The following MAOB variants were observed in gnomAD, a reference collection of about 807,000 sequenced individuals.
The protein encoded by MAOB is monoamine oxidase B.
MAOB carries 15 observed loss-of-function variants against 41.9 expected under a neutral mutation model. The observed-to-expected ratio is 0.36, with a 90% CI of 0.24 to 0.55. The LOEUF is 0.55. Among genes scored for constraint, MAOB ranks in the 20% least tolerant of loss-of-function variants. The probability of loss-of-function intolerance (pLI) is 0.86; values close to 1 mark genes in which losing one functional copy is unlikely to be tolerated. For missense variants in MAOB, 345 were observed against 398.7 expected, an observed-to-expected ratio of 0.87 and a Z score of 1.15; for synonymous variants, 167 against 144.2, an observed-to-expected ratio of 1.16 and a Z score of -1.13.
chrX:43,877,830 C>T (rs2035449742), intron 1 of MAOB, among the ~76,000 whole-genome samples: 1 of 112,326 alleles, frequency 8.9e-6, no homozygotes, highest in African/African-American at 3.2e-5. Flanking sequence ...CAGGATGAGG[C>T]TGAAGTCAGG....
intron 3 of MAOB, among the ~76,000 whole-genome samples, chrX:43,831,778 CT>C (rs1384021421): frequency 9.0e-6 from 1 of 111,060 alleles, no homozygotes; most frequent in African/African-American, 3.3e-5. Flanking sequence ...ATATTAGTTC[CT>C]GAGGGAACTA....
chrX:43,844,862 A>T (rs1446227563), intron 1 of MAOB, among the ~76,000 whole-genome samples: 1 of 111,333 alleles, frequency 9.0e-6, no homozygotes, highest in African/African-American at 3.3e-5. Flanking sequence ...AGGCTTCCAG[A>T]CTAAGCCAGC....
At chrX:43,864,537 C>T (rs2035353416) in intron 1 of MAOB, among the ~76,000 whole-genome samples, 1 of 111,668 alleles carries the variant, frequency 9.0e-6, no homozygotes, top group African/African-American at 3.3e-5. Context: ...TCACCTCAAA[C>T]AATGGATGGA....
intron 7 of MAOB, 47 bp from the exon 8 acceptor site, chrX:43,793,625 G>C: frequency 2.0e-6 from 2 of 1,024,662 alleles, no homozygotes; most frequent in Non-Finnish European, 2.7e-6. Context: ...TGTTGCTTTT[G>C]TTTTTTTCCC....
At chrX:43,876,293 C>T (rs898121473) in intron 1 of MAOB, among the ~76,000 whole-genome samples, 3 of 111,853 alleles carry the variant, frequency 2.7e-5, no homozygotes, top group African/African-American at 9.8e-5. Flanking sequence ...AAAATTCCCT[C>T]AAATATTTTT....
chrX:43,795,663 T>G, intron 7 of MAOB, 76 bp downstream of exon 7: 1 of 900,337 alleles, frequency 1.1e-6, no homozygotes, highest in Non-Finnish European at 1.6e-6. Flanking sequence ...ACTCTGGAGA[T>G]TCTAAGAATT....
rs2034242631 is a variant in MAOB at position 43,775,398 on chromosome X, T to C, written c.1138-126A>G. The C allele has an allele frequency of 6.8e-6, 7 of 1,033,394 alleles. No homozygotes were observed. The South Asian group carries it at 1.9e-4, about 28-fold the overall frequency. 85.2% of individuals were successfully genotyped at this position (1,033,394 alleles called of 1,213,427 possible). On this transcript the variant is annotated intron_variant, in intron 11 of 14. Coordinates refer to ENST00000378069, the MANE Select transcript of MAOB (RefSeq NM_000898.5). ...GTATTTCGGAAATAGAGTTGCATTA[T>C]CCTGATGTTTTTAAAGATATGTCTT...
intron 13 of MAOB, 62 bp downstream of exon 13, chrX:43,769,245 T>G: frequency 9.1e-7 from 1 of 1,099,689 alleles, no homozygotes; most frequent in Non-Finnish European, 1.2e-6. Flanking sequence ...CAGATATCTT[T>G]GACCTACATG....
intron 1 of MAOB, chrX:43,844,059 C>G: frequency 2.6e-6 from 1 of 385,801 alleles, no homozygotes; most frequent in African/African-American, 2.6e-5. Flanking sequence ...TAAATGAGAA[C>G]ACAAGGCCAT....
At chrX:43,778,202 A>AT (rs1249529396) in intron 11 of MAOB, among the ~76,000 whole-genome samples, 3 of 110,860 alleles carry the variant, frequency 2.7e-5, no homozygotes, top group African/African-American at 9.9e-5. Flanking sequence ...AGGTAATCTT[A>AT]TTTTTTTACT....
chrX:43,767,501 G>A lies in MAOB; in HGVS notation c.1528C>T (p.Leu510=), dbSNP rs2034125831. 1 of 1,208,701 alleles carries A rather than the reference G, an allele frequency of 8.3e-7. No homozygotes were observed. Among genetic ancestry groups the A allele is most frequent in the Non-Finnish European group, 1.1e-6 (1 of 894,810 alleles). Residue 510 remains leucine, a synonymous_variant, in exon 15 of 15, where the codon CTG becomes TTG. Transcript: ENST00000378069. ...TIFSATALGF[L]AHKRGLLVRV ...ACAAGTAGCCCCCTTTTGTGGGCCAGGAAGCCAAGAGCCGTTGCTGAAAAG... is the reference window on the plus strand; with the variant it reads ...ACAAGTAGCCCCCTTTTGTGGGCCAAGAAGCCAAGAGCCGTTGCTGAAAAG...
intron 1 of MAOB, chrX:43,844,003 A>G: frequency 2.5e-6 from 2 of 792,371 alleles, no homozygotes; most frequent in Non-Finnish European, 1.6e-6. Context: ...CTCTGCCACT[A>G]TATCAAAATG....
chrX:43,782,204 G>C (rs753319072), intron 8 of MAOB, among the ~76,000 whole-genome samples: 8 of 110,590 alleles, frequency 7.2e-5, no homozygotes, highest in Admixed American at 1.9e-4. Context: ...TCCAGGAGCC[G>C]GTTTTTTGAA....
chrX:43,845,792 A>T (rs1260357063), intron 1 of MAOB, among the ~76,000 whole-genome samples: 1 of 112,574 alleles, frequency 8.9e-6, no homozygotes, highest in East Asian at 2.8e-4. Flanking sequence ...CCACATTAAA[A>T]ACCATAATGA....
chrX:43,863,134 C>T (rs1346777284), intron 1 of MAOB, among the ~76,000 whole-genome samples: 1 of 111,352 alleles, frequency 9.0e-6, no homozygotes, highest in Non-Finnish European at 1.9e-5. Flanking sequence ...ATTAAACTGT[C>T]CATATTTTAA....
chrX:43,866,575 G>A (rs2035366679), intron 1 of MAOB, among the ~76,000 whole-genome samples: 1 of 112,244 alleles, frequency 8.9e-6, no homozygotes, highest in African/African-American at 3.2e-5. Context: ...GGAATGGGGA[G>A]TTATTGCTTA....
chrX:43,814,530 A>T (rs1299187887), intron 3 of MAOB, among the ~76,000 whole-genome samples: 2 of 112,437 alleles, frequency 1.8e-5, no homozygotes, highest in Non-Finnish European at 3.8e-5. Flanking sequence ...AGTCCCTACC[A>T]TCTTAACTTG....
At chrX:43,793,657 C>G (rs1198868516) in intron 7 of MAOB, 79 bp from the exon 8 acceptor site, 3 of 827,241 alleles carry the variant, frequency 3.6e-6, no homozygotes, top group South Asian at 2.5e-5. Context: ...CTCATTCTAT[C>G]GTTATATTCT....
At chrX:43,877,160 G>A (rs1433026870) in intron 1 of MAOB, among the ~76,000 whole-genome samples, 1 of 112,161 alleles carries the variant, frequency 8.9e-6, no homozygotes, top group Non-Finnish European at 1.9e-5. Context: ...TTTGCCCAAG[G>A]TGGCACAGCT....
Sources: allele counts gnomAD v4.1 joint callset (sites outside exome capture counted in the v4.1 genomes callset), GRCh38; gene constraint gnomAD v4.1.1; transcripts MANE v1.5; gene names NCBI Gene and HGNC (gene_info 2026-07-23, HGNC 2026-07-21).